PCA3: variants seen among roughly 807,000 people sequenced by gnomAD.
PCA3 encodes Differential Display code 3.
chr9:76,778,758 G>A (rs948453256), intron 2 of PCA3: 2 of 152,190 alleles, frequency 1.3e-5, no homozygotes, highest in African/African-American at 4.8e-5. Flanking sequence ...CAGGTGCCTA[G>A]AACAATGCCC....
chr9:76,780,415 C>T (rs772284592), intron 2 of PCA3, among the ~76,000 whole-genome samples: 4 of 152,104 alleles, frequency 2.6e-5, no homozygotes, highest in Middle Eastern at 3.2e-3. Context: ...CGGCCAGGCA[C>T]GATGGCTCAC....
rs115531962 is a variant in PCA3 at position 76,780,809 on chromosome 9, T to C, written n.853-27774T>C. Among the ~76,000 whole-genome samples, 999 of 152,310 alleles carry C rather than the reference T, an allele frequency of 6.6e-3. 7 individuals are homozygous for C. The highest frequency in any genetic ancestry group is 0.023 in the African/African-American group (955 of 41,572). On this transcript the variant is annotated intron_variant and non_coding_transcript_variant, in intron 2 of 5. Coordinates refer to ENST00000644657, the Ensembl canonical transcript of PCA3. ...CACAAAGACAGCTACTGAGAACCAA[T>C]GAGGAGCCAGCTCCTCCATCGTATC...
At chr9:76,773,362 T>C (rs1302744400) in intron 2 of PCA3, among the ~76,000 whole-genome samples, 1 of 151,516 alleles carries the variant, frequency 6.6e-6, no homozygotes, top group Non-Finnish European at 1.5e-5. Flanking sequence ...TAGCGGACAA[T>C]CTTTTCTTTA....
chr9:76,764,993 C>CA (rs1237508580), intron 2 of PCA3, among the ~76,000 whole-genome samples: 1 of 152,138 alleles, frequency 6.6e-6, no homozygotes, highest in African/African-American at 2.4e-5. Context: ...GAGAAAAAGT[C>CA]AAAGGTTCTG....
intron 2 of PCA3, among the ~76,000 whole-genome samples, chr9:76,777,817 A>G (rs749256592): frequency 6.6e-6 from 1 of 152,208 alleles, no homozygotes; most frequent in Non-Finnish European, 1.5e-5. Flanking sequence ...CATTTACATG[A>G]CATTTGAGCA....
intron 2 of PCA3, chr9:76,778,495 A>G (rs749975426): frequency 2.0e-5 from 3 of 152,246 alleles, no homozygotes; most frequent in Non-Finnish European, 4.4e-5. Context: ...GGCCAGAGAC[A>G]CAGGAGATCA....
chr9:76,765,589 G>A (rs1348547899), intron 2 of PCA3, among the ~76,000 whole-genome samples: 3 of 152,154 alleles, frequency 2.0e-5, no homozygotes, highest in Non-Finnish European at 4.4e-5. Context: ...CTGAATGAAT[G>A]AGTAAACTAT....
intron 2 of PCA3, among the ~76,000 whole-genome samples, chr9:76,776,482 C>A (rs1295222396): frequency 1.3e-5 from 2 of 149,382 alleles, no homozygotes; most frequent in Non-Finnish European, 1.5e-5. Flanking sequence ...TCACGGTATA[C>A]ATTTACACCA....
intron 2 of PCA3, among the ~76,000 whole-genome samples, chr9:76,769,357 C>T (rs141746542): frequency 2.7e-4 from 41 of 152,336 alleles, no homozygotes; most frequent in African/African-American, 9.1e-4. Flanking sequence ...CACTTCTTTG[C>T]ATGGCTGTAT....
At chr9:76,775,230 A>G (rs2053605147) in intron 2 of PCA3, among the ~76,000 whole-genome samples, 1 of 152,222 alleles carries the variant, frequency 6.6e-6, no homozygotes, top group South Asian at 2.1e-4. Context: ...ATAAATGAAA[A>G]CATCCAGCTA....
At chr9:76,775,981 G>A (rs915570157) in intron 2 of PCA3, among the ~76,000 whole-genome samples, 1 of 151,898 alleles carries the variant, frequency 6.6e-6, no homozygotes, top group Non-Finnish European at 1.5e-5. Flanking sequence ...GCATTTTCTG[G>A]TGTGAGATTT....
chr9:76,776,848 T>C (rs967628328), intron 2 of PCA3, among the ~76,000 whole-genome samples: 3 of 148,098 alleles, frequency 2.0e-5, no homozygotes, highest in African/African-American at 7.5e-5. Flanking sequence ...TGTTTGAAGA[T>C]ACATGAAGCT....
intron 2 of PCA3, chr9:76,778,677 A>G (rs1465176059): frequency 6.6e-6 from 1 of 152,244 alleles, no homozygotes; most frequent in Non-Finnish European, 1.5e-5. Context: ...ACACAGTATG[A>G]TCTATAAAGT....
intron 2 of PCA3, among the ~76,000 whole-genome samples, chr9:76,768,125 T>C (rs1227657551): frequency 6.6e-6 from 1 of 152,054 alleles, no homozygotes; most frequent in African/African-American, 2.4e-5. Flanking sequence ...GAGGATCACA[T>C]AAGTCTAATT....
At chr9:76,775,335 C>T (rs1409926537) in intron 2 of PCA3, among the ~76,000 whole-genome samples, 1 of 152,052 alleles carries the variant, frequency 6.6e-6, no homozygotes, top group Admixed American at 6.5e-5. Flanking sequence ...CTCACTCTGT[C>T]TCCCAGCCTG....
In PCA3 at chr9:76,782,852, G is replaced by A. The variant is rs1255131787; in HGVS notation, n.853-25731G>A. On this transcript the variant is annotated intron_variant and non_coding_transcript_variant, in intron 2 of 5. Coordinates refer to ENST00000644657, the Ensembl canonical transcript of PCA3. ...GCAGGGGTGAGTTACATGGTAGAAC[G>A]AAGAATAGACCAGAAGCCAGAAGTG... is the stretch of plus-strand genomic sequence containing the variant. 3.9e-5 allele frequency: 6 copies of A among 152,328 alleles called. No individual in the cohort carries two copies. In the East Asian group the frequency reaches 9.7e-4, roughly 25 times the overall value. 9.4% of individuals were successfully genotyped at this position (152,328 alleles called of 1,614,324 possible).
chr9:76,782,391 G>C (rs561322786), intron 2 of PCA3, among the ~76,000 whole-genome samples: 7 of 152,134 alleles, frequency 4.6e-5, no homozygotes, highest in Non-Finnish European at 7.4e-5. Flanking sequence ...GAGTAGTTAA[G>C]ACCATGAACG....
chr9:76,776,333 C>T (rs1376363370), intron 2 of PCA3, among the ~76,000 whole-genome samples: 2 of 152,056 alleles, frequency 1.3e-5, no homozygotes, highest in Non-Finnish European at 2.9e-5. Flanking sequence ...ATTTCACTCT[C>T]TGTGTCCATG....
At chr9:76,779,609 G>A (rs917749623) in intron 2 of PCA3, 7 of 152,090 alleles carry the variant, frequency 4.6e-5, no homozygotes, top group African/African-American at 1.7e-4. Context: ...CAACTAAATA[G>A]GTAAAGAAAC....
Sources: gnomAD v4.1 joint callset for allele counts (sites outside exome capture counted in the v4.1 genomes callset) on GRCh38, gnomAD v4.1.1 for gene constraint, MANE v1.5 for transcripts, NCBI Gene and HGNC (gene_info 2026-07-23, HGNC 2026-07-21) for gene names.